Variants in ADAM22 observed in about 807,000 individuals in gnomAD.
The protein encoded by ADAM22 is disintegrin and metalloproteinase domain-containing protein 22.
A neutral mutation model predicts 144.6 loss-of-function variants in ADAM22; 65 were observed. The observed-to-expected ratio is 0.45, with a 90% confidence interval of 0.37 to 0.55. The LOEUF (loss-of-function observed/expected upper bound fraction) is 0.55, where lower values mean the gene tolerates loss of function less well. Among genes scored for constraint, ADAM22 ranks in the 20% least tolerant of loss-of-function variants. ADAM22 has a pLI of 0.00. For synonymous variants in ADAM22, 391 were observed against 412.6 expected (o/e 0.95, Z 0.63); for missense variants, 974 against 1,184.9 (o/e 0.82, Z 2.61).
chr7:88,070,564 A>T (rs1812469915), intron 3 of ADAM22, among the ~76,000 whole-genome samples: 1 of 152,156 alleles, frequency 6.6e-6, no homozygotes, highest in South Asian at 2.1e-4. Flanking sequence ...TTTGCTTCTT[A>T]TGCAAGCATC....
At chr7:88,088,135 A>G (rs1209156135) in intron 4 of ADAM22, among the ~76,000 whole-genome samples, 2 of 152,312 alleles carry the variant, frequency 1.3e-5, no homozygotes, top group Middle Eastern at 3.4e-3. Flanking sequence ...CTCTGGTGGT[A>G]GTATAGTTAC....
intron 3 of ADAM22, among the ~76,000 whole-genome samples, chr7:88,010,882 C>T (rs1031599044): frequency 1.3e-5 from 2 of 152,104 alleles, no homozygotes; most frequent in Non-Finnish European, 2.9e-5. Context: ...TGCCACTCCT[C>T]GTGTATACAG....
intron 5 of ADAM22, among the ~76,000 whole-genome samples, chr7:88,113,393 A>C (rs1199883506): frequency 6.6e-6 from 1 of 151,362 alleles, no homozygotes; most frequent in East Asian, 1.9e-4. Flanking sequence ...GGATTATTGC[A>C]GTAACTTCCC....
intron 3 of ADAM22, among the ~76,000 whole-genome samples, chr7:87,995,458 A>G (rs1790933165): frequency 6.6e-6 from 1 of 152,162 alleles, no homozygotes; most frequent in Admixed American, 6.5e-5. Flanking sequence ...CTGGCTACAC[A>G]TTATAATAAC....
At chr7:88,148,412 T>C (rs1837231529) in intron 17 of ADAM22, among the ~76,000 whole-genome samples, 1 of 151,874 alleles carries the variant, frequency 6.6e-6, no homozygotes, top group South Asian at 2.1e-4. Context: ...TTTGAGATGA[T>C]GGAAAACAGA....
chr7:88,153,548 C>T (rs532991111), intron 21 of ADAM22, among the ~76,000 whole-genome samples: 6 of 152,272 alleles, frequency 3.9e-5, no homozygotes, highest in African/African-American at 7.2e-5. Flanking sequence ...CTTGCCCCCA[C>T]CTCAGGATTT....
At chr7:88,082,496 TTAAAC>T (rs1356149073) in intron 4 of ADAM22, among the ~76,000 whole-genome samples, 1 of 152,088 alleles carries the variant, frequency 6.6e-6, no homozygotes, top group African/African-American at 2.4e-5. Context: ...TGGGATCTAA[TTAAAC>T]TAAAGAGCTT....
chr7:88,164,277 G>A (rs561026618), intron 23 of ADAM22, among the ~76,000 whole-genome samples: 1 of 152,112 alleles, frequency 6.6e-6, no homozygotes, highest in South Asian at 2.1e-4. Context: ...AAACACAAGA[G>A]ACCAAACATA....
In ADAM22 at chr7:88,069,995, A is replaced by T. The variant is rs534796059; in HGVS notation, c.324-5631A>T. ...GGGTTCATCCTCTGAGTCAACATTT[A>T]TTTTTTTTTTAAAAGAAATGTGCCG... On this transcript the variant is annotated intron_variant, in intron 3 of 31. Coordinates refer to ENST00000413139, the MANE Select transcript of ADAM22 (RefSeq NM_001324418.2). 2.7e-5 allele frequency among the ~76,000 whole-genome samples: 4 copies of T among 149,848 alleles called. No individual in the cohort carries two copies. In the East Asian group the frequency reaches 5.9e-4, roughly 22 times the overall value.
Position 88,183,867 on chromosome 7 carries a change from C to T in ADAM22, c.2663+1843C>T, listed in dbSNP as rs986144095. 3.3e-5 allele frequency among the ~76,000 whole-genome samples: 5 copies of T among 150,876 alleles called. 1 individual carries two copies. The highest frequency in any genetic ancestry group is 4.2e-4 in the South Asian group (2 of 4,802). ...ATATATATTTATACATACACACACACGTATATATTTTCTTACAAGGATTCC... is the reference window on the plus strand; with the variant it reads ...ATATATATTTATACATACACACACATGTATATATTTTCTTACAAGGATTCC... On this transcript the variant is annotated intron_variant, in intron 29 of 31. Coordinates refer to ENST00000413139, the MANE Select transcript of ADAM22 (RefSeq NM_001324418.2).
Position 88,078,540 on chromosome 7 carries a change from A to C in ADAM22, c.390+2848A>C, listed in dbSNP as rs551193523. Among the ~76,000 whole-genome samples, 13 of 152,354 alleles carry C rather than the reference A, an allele frequency of 8.5e-5. No homozygotes were observed. In the East Asian group the frequency reaches 2.5e-3, roughly 29 times the overall value. ...GAGAGAAGAAGGCTTCAGGAGATCA[A>C]ACTACTCCGAGCTAAAGGAGGAAGT... On this transcript the variant is annotated intron_variant, in intron 4 of 31. Transcript: ENST00000413139.
chr7:88,003,629 A>G (rs1474494969), intron 3 of ADAM22, among the ~76,000 whole-genome samples: 3 of 152,242 alleles, frequency 2.0e-5, no homozygotes, highest in Non-Finnish European at 4.4e-5. Context: ...GAGAAGACAG[A>G]TTTCAATCTC....
chr7:87,972,275 C>T (rs1398366434), intron 2 of ADAM22, among the ~76,000 whole-genome samples: 2 of 151,884 alleles, frequency 1.3e-5, no homozygotes, highest in Non-Finnish European at 2.9e-5. Context: ...CACAAGCATT[C>T]TTATACACCA....
At chr7:88,040,537 A>G (rs1467851218) in intron 3 of ADAM22, among the ~76,000 whole-genome samples, 2 of 152,080 alleles carry the variant, frequency 1.3e-5, no homozygotes, top group Non-Finnish European at 2.9e-5. Flanking sequence ...CTGTCATCCA[A>G]GTTTATTAAA....
At chr7:88,054,286 T>C (rs932536085) in intron 3 of ADAM22, among the ~76,000 whole-genome samples, 2 of 152,200 alleles carry the variant, frequency 1.3e-5, no homozygotes, top group Admixed American at 6.5e-5. Flanking sequence ...CAGAAACATA[T>C]GAAAGTTCCT....
chr7:88,082,360 G>A (rs1355702448), intron 4 of ADAM22, among the ~76,000 whole-genome samples: 1 of 152,124 alleles, frequency 6.6e-6, no homozygotes, highest in South Asian at 2.1e-4. Context: ...AGACTTAAAT[G>A]TTACACCTAA....
intron 3 of ADAM22, among the ~76,000 whole-genome samples, chr7:87,992,602 A>G (rs1363283036): frequency 6.6e-6 from 1 of 152,190 alleles, no homozygotes; most frequent in Admixed American, 6.5e-5. Context: ...CCTGATTTCC[A>G]TAGGTAGTAT....
intron 2 of ADAM22, among the ~76,000 whole-genome samples, chr7:87,935,543 T>A (rs1235796525): frequency 6.6e-6 from 1 of 152,170 alleles, no homozygotes; most frequent in Non-Finnish European, 1.5e-5. Context: ...ATCATTGTTG[T>A]TGTTTTACTC....
chr7:88,128,794 A>G (rs897776193), intron 9 of ADAM22, 118 bp downstream of exon 9: 7 of 681,440 alleles, frequency 1.0e-5, no homozygotes, highest in African/African-American at 7.5e-5. Context: ...AGGTATTTGT[A>G]TAATCAAATA....
Sources: allele counts gnomAD v4.1 joint callset (sites outside exome capture counted in the v4.1 genomes callset), GRCh38; gene constraint gnomAD v4.1.1; transcripts MANE v1.5; gene names NCBI Gene and HGNC (gene_info 2026-07-23, HGNC 2026-07-21).